CNGB1: variants seen among roughly 807,000 people sequenced by gnomAD.
The protein encoded by CNGB1 is cyclic nucleotide gated channel subunit beta 1.
Under a neutral mutation model 151.7 loss-of-function variants are expected in CNGB1, and 126 were observed. The ratio of observed to expected loss-of-function variants is 0.83; its 90% CI spans 0.72 to 0.96. CNGB1 has a LOEUF of 0.96. Ranked by LOEUF, CNGB1 falls within the 40% of genes least tolerant of loss-of-function variation. The probability of loss-of-function intolerance (pLI) is 0.00; values close to 1 mark genes in which losing one functional copy is unlikely to be tolerated. For missense variants in CNGB1, 1,698 were observed against 1,627.0 expected (o/e 1.04, Z -0.75); for synonymous variants, 623 against 635.1 (o/e 0.98, Z 0.29).
At position 57,884,816 on chromosome 16, in the gene CNGB1, C is replaced by T. The variant is rs980928127; in HGVS notation, c.3463-359G>A. ...TGACTCTGAGGGAGTACCCGCAAGG[C>T]CTCTGCAAAGGCTGAACCAACCATC... On this transcript the variant is annotated intron_variant, in intron 32 of 32. Coordinates refer to ENST00000251102, the MANE Select transcript of CNGB1 (RefSeq NM_001297.5). Among the ~76,000 whole-genome samples the T allele has an allele frequency of 3.3e-5, 5 of 152,184 alleles. No homozygotes were observed. In the East Asian group the frequency reaches 9.7e-4, roughly 30 times the overall value.
At chr16:57,967,699 AAT>A (rs763922442) in intron 1 of CNGB1, among the ~76,000 whole-genome samples, 1 of 152,056 alleles carries the variant, frequency 6.6e-6, no homozygotes, top group Non-Finnish European at 1.5e-5. Flanking sequence ...TGTCTCAAAA[AAT>A]ATATAATATA....
At chr16:57,940,098 C>G (rs752793291) in intron 15 of CNGB1, 136 bp downstream of exon 15, 1 of 895,052 alleles carries the variant, frequency 1.1e-6, no homozygotes. Flanking sequence ...TCGCAGGACC[C>G]GCCACCCTGC....
intron 12 of CNGB1, among the ~76,000 whole-genome samples, chr16:57,956,493 C>T (rs998656947): frequency 3.9e-5 from 6 of 152,328 alleles, no homozygotes; most frequent in South Asian, 2.1e-4. Context: ...CGGCCACCCC[C>T]GGCTTCAGGG....
At position 57,940,234 on chromosome 16, in the gene CNGB1, C is replaced by A. The variant is rs1264720085; in HGVS notation, c.1209G>T (p.Gln403His). The A allele has an allele frequency of 1.3e-6, 2 of 1,564,444 alleles. No homozygotes were observed. The highest frequency in any genetic ancestry group is 2.7e-5 in the African/African-American group (2 of 74,248). ...DGTRPQSTSD[Q>H]KLWEEVGEEA... ...TGCCAGTGCCTGGTGCTTCTCATAC[C>A]TGATCTGAAGTGCTCTGGGGCCGGG... is the stretch of plus-strand genomic sequence containing the variant. The change falls in exon 15 of 33, where the codon CAG becomes CAT. Residue 403 changes from glutamine to histidine, a missense_variant and splice_region_variant. Physicochemically the swap from Gln to His is conservative, Grantham distance 24 (BLOSUM62 0). Transcript: ENST00000251102.
At chr16:57,888,883 C>A (rs1201468988) in intron 31 of CNGB1, among the ~76,000 whole-genome samples, 1 of 152,184 alleles carries the variant, frequency 6.6e-6, no homozygotes, top group East Asian at 1.9e-4. Flanking sequence ...TCACTGTCAC[C>A]TCCCCCTCGT....
intron 14 of CNGB1, among the ~76,000 whole-genome samples, chr16:57,945,904 G>A (rs1442738362): frequency 2.6e-5 from 4 of 152,240 alleles, no homozygotes; most frequent in East Asian, 1.9e-4. Flanking sequence ...AATCACCCAC[G>A]TGGATTGAGA....
At chr16:57,888,742 G>A (rs753513975) in intron 31 of CNGB1, among the ~76,000 whole-genome samples, 19 of 148,604 alleles carry the variant, frequency 1.3e-4, no homozygotes, top group Middle Eastern at 3.4e-3. Flanking sequence ...GTGAGGCACC[G>A]CGCCTGGCCT....
In CNGB1 at chr16:57,917,610, G is replaced by A. The variant is rs746555444; in HGVS notation, c.1958-134C>T. On this transcript the variant is annotated intron_variant, in intron 20 of 32. Coordinates refer to ENST00000251102, the MANE Select transcript of CNGB1 (RefSeq NM_001297.5). The stretch of plus-strand genomic sequence containing the variant: ...CACTTTTGTAAGAGTGTGTGTATGT[G>A]TGTGTGTGTGTATATATACACACAC... 2.9e-4 allele frequency: 189 copies of A among 653,994 alleles called. 1 individual carries two copies. The highest frequency in any genetic ancestry group is 8.4e-4 in the Middle Eastern group (2 of 2,386). 40.5% of individuals were successfully genotyped at this position (653,994 alleles called of 1,614,324 possible). A position where few individuals can be genotyped will look rare whatever the true frequency, so the allele number is the denominator to read the frequency against.
intron 7 of CNGB1, 35 bp from the exon 8 acceptor site, chr16:57,960,950 A>G (rs1269899365): frequency 2.5e-6 from 4 of 1,607,394 alleles, no homozygotes; most frequent in African/African-American, 2.7e-5. Flanking sequence ...GAGTGCCCTG[A>G]GGGAACCGGC....
chr16:57,903,996 A>G lies in CNGB1; in HGVS notation c.2635-15T>C. The G allele has an allele frequency of 6.2e-7, 1 of 1,612,136 alleles. No individual in the cohort carries two copies. Among genetic ancestry groups the G allele is most frequent in the Non-Finnish European group, 8.5e-7 (1 of 1,179,244 alleles). ...ACATCTCTCATCTGGGGGAAGGGTTATGGGAGGTCAAGGAAGCCACTGGGT... is the reference window on the plus strand; with the variant it reads ...ACATCTCTCATCTGGGGGAAGGGTTGTGGGAGGTCAAGGAAGCCACTGGGT... On this transcript the variant is annotated splice_polypyrimidine_tract_variant and intron_variant, in intron 26 of 32. Transcript: ENST00000251102.
chr16:57,918,745 G>A (rs561851657), intron 20 of CNGB1, among the ~76,000 whole-genome samples: 154 of 152,210 alleles, frequency 1.0e-3, no homozygotes, highest in African/African-American at 3.5e-3. Context: ...TGTCACCTAG[G>A]TTGGAATGCA....
intron 31 of CNGB1, among the ~76,000 whole-genome samples, chr16:57,893,623 C>A (rs1391774078): frequency 2.6e-5 from 4 of 152,098 alleles, no homozygotes; most frequent in Non-Finnish European, 5.9e-5. Flanking sequence ...CATGGTGAAA[C>A]CCCGTCTCTA....
At chr16:57,923,443 ATGAC>A (rs1415848820) in intron 17 of CNGB1, 63 bp from the exon 18 acceptor site, 1 of 1,339,912 alleles carries the variant, frequency 7.5e-7, no homozygotes, top group African/African-American at 1.4e-5. Flanking sequence ...GAGAAGTGTC[ATGAC>A]TTTGATCCCT....
intron 16 of CNGB1, among the ~76,000 whole-genome samples, chr16:57,938,965 G>C (rs1428873184): frequency 1.3e-5 from 2 of 152,206 alleles, no homozygotes; most frequent in African/African-American, 4.8e-5. Flanking sequence ...AGGACACTCT[G>C]TTAGGAAGTT....
In CNGB1 at chr16:57,904,966, T is replaced by A. The variant is rs1960506464; in HGVS notation, c.2493-91A>T. On this transcript the variant is annotated intron_variant, in intron 25 of 32. Transcript: ENST00000251102. ...GGCTCAGACGCCTCTGATAGATGCA[T>A]GTTGTGCAAAAGACAGAAACCCTTT... 2.0e-6 allele frequency: 3 copies of A among 1,519,350 alleles called. No homozygotes were observed. The South Asian group carries it at 3.4e-5, about 17-fold the overall frequency. 94.1% of individuals were successfully genotyped at this position (1,519,350 alleles called of 1,614,324 possible). A position where few individuals can be genotyped will look rare whatever the true frequency, so the allele number is the denominator to read the frequency against.
intron 14 of CNGB1, among the ~76,000 whole-genome samples, chr16:57,942,264 A>T (rs1021818984): frequency 9.9e-5 from 15 of 152,144 alleles, no homozygotes; most frequent in Non-Finnish European, 1.9e-4. Context: ...AAGGCATCCA[A>T]ATTGGAAGGG....
chr16:57,925,068 T>A (rs1477856930), intron 17 of CNGB1, among the ~76,000 whole-genome samples: 1 of 152,162 alleles, frequency 6.6e-6, no homozygotes, highest in Admixed American at 6.5e-5. Flanking sequence ...AGTGGCACGA[T>A]CTCGGCTCAC....
chr16:57,910,970 C>T (rs937162459), intron 25 of CNGB1, among the ~76,000 whole-genome samples: 2 of 152,106 alleles, frequency 1.3e-5, no homozygotes, highest in Non-Finnish European at 2.9e-5. Context: ...TTGGTTCGCA[C>T]GTCATCATCA....
At chr16:57,965,553 A>G (rs1341295779) in intron 2 of CNGB1, among the ~76,000 whole-genome samples, 3 of 152,214 alleles carry the variant, frequency 2.0e-5, no homozygotes, top group African/African-American at 7.2e-5. Context: ...CCATATGGAC[A>G]TGCATATACA....
Sources: gnomAD v4.1 joint callset for allele counts (sites outside exome capture counted in the v4.1 genomes callset) on GRCh38, gnomAD v4.1.1 for gene constraint, MANE v1.5 for transcripts, NCBI Gene and HGNC (gene_info 2026-07-23, HGNC 2026-07-21) for gene names.